Variants in FAIM2 observed in about 807,000 individuals in gnomAD.
FAIM2 encodes protein lifeguard 2.
FAIM2 carries 27 observed loss-of-function variants against 47.4 expected under a neutral mutation model. The observed-to-expected ratio is 0.57, with a 90% confidence interval of 0.42 to 0.78. The LOEUF is 0.78. Among genes scored for constraint, FAIM2 ranks in the 30% least tolerant of loss-of-function variants. The pLI is 0.00. For synonymous variants in FAIM2, 156 were observed against 159.3 expected, an observed-to-expected ratio of 0.98 and a Z score of 0.16; for missense variants, 311 against 389.4, an observed-to-expected ratio of 0.80 and a Z score of 1.69.
chr12:49,877,370 G>T (rs938212157), intron 11 of FAIM2, among the ~76,000 whole-genome samples: 2 of 152,232 alleles, frequency 1.3e-5, no homozygotes, highest in African/African-American at 4.8e-5. Context: ...GTGGGGCGTC[G>T]GGGAGGCCTC....
chr12:49,880,064 TTG>T (rs1399054341), intron 11 of FAIM2, among the ~76,000 whole-genome samples: 6 of 149,348 alleles, frequency 4.0e-5, no homozygotes, highest in African/African-American at 1.2e-4. Context: ...ATGTATTTAT[TTG>T]TGTGCATGAG....
At chr12:49,878,907 C>T (rs61728381) in intron 11 of FAIM2, among the ~76,000 whole-genome samples, 83,000 of 119,966 alleles carry the variant, frequency 0.69, 32,668 homozygotes, top group African/African-American at 0.81. Context: ...CATGTGTATG[C>T]GTGTGAGTGC....
intron 11 of FAIM2, among the ~76,000 whole-genome samples, chr12:49,879,446 G>T (rs1161120494): frequency 6.6e-6 from 1 of 151,094 alleles, no homozygotes; most frequent in African/African-American, 2.5e-5. Context: ...ATGTGTATAT[G>T]TGTGTGCATA....
intron 11 of FAIM2, among the ~76,000 whole-genome samples, chr12:49,879,848 A>ATG (rs1468061594): frequency 7.2e-6 from 1 of 137,978 alleles, no homozygotes; most frequent in Non-Finnish European, 1.6e-5. Flanking sequence ...GTGTGAGTGT[A>ATG]TGTATGTTCA....
intron 10 of FAIM2, among the ~76,000 whole-genome samples, chr12:49,887,807 C>T (rs1380949200): frequency 2.6e-5 from 4 of 152,152 alleles, no homozygotes; most frequent in African/African-American, 9.7e-5. Flanking sequence ...CCCTGTCCAG[C>T]ATAGGATCTG....
rs367623862 is a variant in FAIM2 at position 49,868,587 on chromosome 12, GC to G, written c.*1916del. Reference sequence around the variant, plus strand: ...TGCGCTCTCATGTGGTCTCATTCCGGCCCCCACCCAGGCCCAGGGGCAAGCG... The same window carrying G: ...TGCGCTCTCATGTGGTCTCATTCCGGCCCCACCCAGGCCCAGGGGCAAGCG... On this transcript the variant is annotated 3_prime_UTR_variant, in exon 12 of 12. Coordinates refer to ENST00000320634, the MANE Select transcript of FAIM2 (RefSeq NM_012306.4). 0.011 allele frequency: 1,673 copies of G among 152,248 alleles called. 20 individuals carry two copies. Among genetic ancestry groups the G allele is most frequent in the Non-Finnish European group, 0.017 (1,166 of 68,046 alleles). 9.4% of individuals were successfully genotyped at this position (152,248 alleles called of 1,614,324 possible).
At chr12:49,884,626 G>A (rs1013197907) in intron 11 of FAIM2, among the ~76,000 whole-genome samples, 7 of 152,188 alleles carry the variant, frequency 4.6e-5, no homozygotes, top group South Asian at 2.1e-4. Flanking sequence ...ATGGCACCAG[G>A]CTGGGCACAG....
At chr12:49,903,651 G>T in intron 1 of FAIM2, 127 bp downstream of exon 1, 1 of 1,262,792 alleles carries the variant, frequency 7.9e-7, no homozygotes, top group Non-Finnish European at 1.1e-6. Context: ...CTTCAGCAAG[G>T]ACCACGGAGG....
In FAIM2 at chr12:49,878,141, TGTGA is replaced by T. The variant is rs1208847266; in HGVS notation, c.802-7492_802-7489del. Among the ~76,000 whole-genome samples, 45 of 128,484 alleles carry T rather than the reference TGTGA, an allele frequency of 3.5e-4. 5 individuals carry two copies. Among genetic ancestry groups the T allele is most frequent in the East Asian group, 1.9e-3 (7 of 3,720 alleles). 84.3% of individuals were successfully genotyped at this position (128,484 alleles called of 152,430 possible). On this transcript the variant is annotated intron_variant, in intron 11 of 11. Transcript: ENST00000320634. ...GGGTATGTGTGCATGTGAGTGTGCA[TGTGA>T]GTGTGTGTATGAGTGTATGTGTGTA... is the stretch of plus-strand genomic sequence containing the variant.
intron 11 of FAIM2, among the ~76,000 whole-genome samples, chr12:49,879,222 ATGTG>A (rs137977687): frequency 0.68 from 87,714 of 128,784 alleles, 34,720 homozygotes; most frequent in African/African-American, 0.8. Context: ...GTGTATGTGC[ATGTG>A]TGTATGTATG....
chr12:49,870,292 G>A lies in FAIM2; in HGVS notation c.*212C>T, dbSNP rs1203885979. ...TTGGAAGATGTAACGGGCGAATGGG[G>A]CGGCACAGGGATTGACGTGGCCTCA... On this transcript the variant is annotated 3_prime_UTR_variant, in exon 12 of 12. Coordinates refer to ENST00000320634, the MANE Select transcript of FAIM2 (RefSeq NM_012306.4). The A allele has an allele frequency of 1.9e-6, 1 of 518,732 alleles. No individual in the cohort carries two copies. Among genetic ancestry groups the A allele is most frequent in the Admixed American group, 3.3e-5 (1 of 30,698 alleles). The allele number at this position is 518,732 out of a possible 1,614,324, so 32.1% of individuals were successfully genotyped here.
At chr12:49,897,698 T>C in intron 3 of FAIM2, 115 bp from the exon 4 acceptor site, 1 of 753,686 alleles carries the variant, frequency 1.3e-6, no homozygotes, top group Non-Finnish European at 2.2e-6. Context: ...CCCTCCTTTT[T>C]GGGGGTCATT....
In FAIM2 at chr12:49,880,808, G is replaced by A. The variant is rs117908644; in HGVS notation, c.801+6578C>T. Among the ~76,000 whole-genome samples, 1,384 of 152,082 alleles carry A rather than the reference G, an allele frequency of 9.1e-3. 13 individuals carry two copies. The highest frequency in any genetic ancestry group is 0.024 in the South Asian group (117 of 4,818). On this transcript the variant is annotated intron_variant, in intron 11 of 11. Coordinates refer to ENST00000320634, the MANE Select transcript of FAIM2 (RefSeq NM_012306.4). ...TGTATGTATATGTGTTTGTGCATGT[G>A]GCTATGTGTGTATATGTGAGTTTAT...
intron 2 of FAIM2, among the ~76,000 whole-genome samples, chr12:49,898,783 C>T (rs570537602): frequency 6.6e-6 from 1 of 152,292 alleles, no homozygotes; most frequent in South Asian, 2.1e-4. Context: ...CTGCCTTGGC[C>T]TCCAAAAGTG....
intron 7 of FAIM2, among the ~76,000 whole-genome samples, chr12:49,890,358 C>T (rs1946891726): frequency 6.6e-6 from 1 of 152,170 alleles, no homozygotes; most frequent in Non-Finnish European, 1.5e-5. Context: ...CCAGCTGTCC[C>T]TTCCTTTCTT....
At position 49,900,513 on chromosome 12, in the gene FAIM2, G is replaced by A. The variant is rs78420941; in HGVS notation, c.211+617C>T. ...GAATCTGGCATCCACCTGGGTGAGT[G>A]TGCCCAGCTGTGGGGGACACTGAGG... On this transcript the variant is annotated intron_variant, in intron 2 of 11. Transcript: ENST00000320634. Among the ~76,000 whole-genome samples, 1,141 of 152,236 alleles carry A rather than the reference G, an allele frequency of 7.5e-3. 8 individuals carry two copies. The highest frequency in any genetic ancestry group is 0.012 in the Non-Finnish European group (804 of 67,988).
chr12:49,877,101 A>C (rs1333362029), intron 11 of FAIM2, among the ~76,000 whole-genome samples: 1 of 152,180 alleles, frequency 6.6e-6, no homozygotes, highest in Non-Finnish European at 1.5e-5. Flanking sequence ...CAGGTCCTGG[A>C]TATGGAAGCA....
chr12:49,895,493 G>C (rs995988120), intron 5 of FAIM2, among the ~76,000 whole-genome samples: 1 of 152,210 alleles, frequency 6.6e-6, no homozygotes, highest in African/African-American at 2.4e-5. Flanking sequence ...GGAGCTCAAA[G>C]CTGCCAGGCC....
At chr12:49,898,112 A>C (rs369435957) in intron 2 of FAIM2, 22 bp from the exon 3 acceptor site, 40 of 1,572,056 alleles carry the variant, frequency 2.5e-5, no homozygotes, top group African/African-American at 5.4e-5. Flanking sequence ...GTGGAGGAGG[A>C]GGACATGAGG....
Sources: allele counts gnomAD v4.1 joint callset (sites outside exome capture counted in the v4.1 genomes callset), GRCh38; gene constraint gnomAD v4.1.1; transcripts MANE v1.5; gene names NCBI Gene and HGNC (gene_info 2026-07-23, HGNC 2026-07-21).